GPC5: variants seen among roughly 807,000 people sequenced by gnomAD.
The protein encoded by GPC5 is glypican 5.
GPC5 carries 47 observed loss-of-function variants against 53.9 expected under a neutral mutation model. The ratio of observed to expected loss-of-function variants is 0.87; its 90% CI spans 0.69 to 1.11. The LOEUF (loss-of-function observed/expected upper bound fraction) is 1.11. Ranked by LOEUF, GPC5 falls within the 50% of genes most tolerant of loss-of-function variation. The probability of loss-of-function intolerance (pLI) is 0.00; values close to 1 mark genes in which losing one functional copy is unlikely to be tolerated. For missense variants in GPC5, 748 were observed against 713.1 expected (o/e 1.05, Z -0.56); for synonymous variants, 286 against 263.3 (o/e 1.09, Z -0.84).
intron 7 of GPC5, among the ~76,000 whole-genome samples, chr13:92,607,626 T>A (rs949777278): frequency 1.3e-5 from 2 of 152,166 alleles, no homozygotes; most frequent in Non-Finnish European, 2.9e-5. Flanking sequence ...GTTATTTAAA[T>A]TCATTAAAGT....
intron 2 of GPC5, among the ~76,000 whole-genome samples, chr13:91,547,841 T>C (rs2030385061): frequency 6.6e-6 from 1 of 152,118 alleles, no homozygotes; most frequent in African/African-American, 2.4e-5. Flanking sequence ...CAATTAATGA[T>C]TTCAATATGC....
At chr13:92,247,038 A>C (rs2042656323) in intron 7 of GPC5, among the ~76,000 whole-genome samples, 1 of 152,128 alleles carries the variant, frequency 6.6e-6, no homozygotes, top group Non-Finnish European at 1.5e-5. Context: ...GTGTGGGATT[A>C]TTAAAGACCA....
chr13:92,447,693 G>A (rs975102362), intron 7 of GPC5: 8 of 151,940 alleles, frequency 5.3e-5, no homozygotes, highest in Non-Finnish European at 1.0e-4. Context: ...TATTACCTTC[G>A]CATTTTAAAG....
At chr13:91,911,640 T>C (rs1391604287) in intron 6 of GPC5, among the ~76,000 whole-genome samples, 2 of 152,096 alleles carry the variant, frequency 1.3e-5, no homozygotes, top group Non-Finnish European at 2.9e-5. Context: ...GACTTCACTA[T>C]GAAAAATGGA....
chr13:92,098,106 C>T (rs543640241), intron 6 of GPC5, among the ~76,000 whole-genome samples: 2 of 152,222 alleles, frequency 1.3e-5, no homozygotes, highest in East Asian at 3.9e-4. Context: ...TATTTTGTCA[C>T]CCTGGTACTA....
chr13:92,285,052 T>G (rs2042943933), intron 7 of GPC5, among the ~76,000 whole-genome samples: 1 of 152,174 alleles, frequency 6.6e-6, no homozygotes, highest in South Asian at 2.1e-4. Context: ...AGTCTCAGGA[T>G]ACAAAATCAA....
At chr13:91,572,268 C>G (rs1190334781) in intron 2 of GPC5, among the ~76,000 whole-genome samples, 1 of 146,742 alleles carries the variant, frequency 6.8e-6, no homozygotes, top group Non-Finnish European at 1.5e-5. Flanking sequence ...TATGTATATA[C>G]ATGTGTATAT....
At chr13:91,585,450 T>C (rs1238336988) in intron 2 of GPC5, among the ~76,000 whole-genome samples, 1 of 152,226 alleles carries the variant, frequency 6.6e-6, no homozygotes, top group Non-Finnish European at 1.5e-5. Flanking sequence ...AATGAAACAC[T>C]GCAGCAATGA....
chr13:91,986,251 G>A (rs2040407126), intron 6 of GPC5, among the ~76,000 whole-genome samples: 1 of 151,574 alleles, frequency 6.6e-6, no homozygotes, highest in African/African-American at 2.4e-5. Flanking sequence ...ATTTTTAGTA[G>A]AGACGGGGTT....
intron 7 of GPC5, among the ~76,000 whole-genome samples, chr13:92,631,567 T>A (rs17188508): frequency 6.6e-6 from 1 of 152,086 alleles, no homozygotes; most frequent in Non-Finnish European, 1.5e-5. Flanking sequence ...AGGAGGGGGA[T>A]AATAAAAACT....
intron 2 of GPC5, among the ~76,000 whole-genome samples, chr13:91,536,117 G>A (rs1474347482): frequency 6.6e-6 from 1 of 152,016 alleles, no homozygotes; most frequent in East Asian, 1.9e-4. Context: ...TTACCAAAAG[G>A]TGCTTTGATA....
At chr13:91,878,433 C>A (rs1476762820) in intron 5 of GPC5, among the ~76,000 whole-genome samples, 1 of 152,096 alleles carries the variant, frequency 6.6e-6, no homozygotes, top group Non-Finnish European at 1.5e-5. Context: ...ATGATTTCAC[C>A]TAGTACACGC....
intron 6 of GPC5, among the ~76,000 whole-genome samples, chr13:91,953,139 C>T (rs1263159570): frequency 6.6e-6 from 1 of 152,116 alleles, no homozygotes; most frequent in Non-Finnish European, 1.5e-5. Context: ...AGATTTATGG[C>T]TTACATGGCA....
chr13:92,025,518 C>T (rs550844888), intron 6 of GPC5, among the ~76,000 whole-genome samples: 2 of 152,240 alleles, frequency 1.3e-5, no homozygotes, highest in African/African-American at 4.8e-5. Context: ...AATTCCATGT[C>T]GGAAGTAGTC....
intron 7 of GPC5, among the ~76,000 whole-genome samples, chr13:92,464,164 C>T (rs1394830857): frequency 1.3e-5 from 2 of 152,020 alleles, no homozygotes; most frequent in African/African-American, 4.8e-5. Flanking sequence ...CTGGAGAGAC[C>T]AGGACATTTC....
intron 2 of GPC5, among the ~76,000 whole-genome samples, chr13:91,635,761 A>G (rs1290458149): frequency 1.3e-5 from 2 of 152,134 alleles, no homozygotes; most frequent in African/African-American, 4.8e-5. Context: ...GAAGCCAGGT[A>G]TTCAGAGGTT....
intron 2 of GPC5, among the ~76,000 whole-genome samples, chr13:91,638,169 C>T (rs1200292846): frequency 1.3e-5 from 2 of 152,146 alleles, no homozygotes; most frequent in Non-Finnish European, 2.9e-5. Context: ...CACCTAGAAA[C>T]CAGGTGGACA....
chr13:91,880,724 A>G (rs1484557321), intron 5 of GPC5, among the ~76,000 whole-genome samples: 1 of 152,152 alleles, frequency 6.6e-6, no homozygotes, highest in Non-Finnish European at 1.5e-5. Context: ...TTGGGGAAAA[A>G]GTGATTCTTC....
At chr13:92,840,138 ATTT>A (rs1244490995) in intron 7 of GPC5, among the ~76,000 whole-genome samples, 17 of 132,002 alleles carry the variant, frequency 1.3e-4, no homozygotes, top group African/African-American at 4.9e-4. Flanking sequence ...TACACACAGT[ATTT>A]GTCTTTTTTG....
Sources: gnomAD v4.1 joint callset for allele counts (sites outside exome capture counted in the v4.1 genomes callset) on GRCh38, gnomAD v4.1.1 for gene constraint, MANE v1.5 for transcripts, NCBI Gene and HGNC (gene_info 2026-07-23, HGNC 2026-07-21) for gene names.